Variants in SSH2 observed in about 807,000 individuals in gnomAD.
The protein encoded by SSH2 is slingshot protein phosphatase 2, also known as protein phosphatase Slingshot homolog 2.
In SSH2, 37 loss-of-function variants were observed where a neutral mutation model predicts 135.2. The observed-to-expected ratio is 0.27, with a 90% CI of 0.21 to 0.36. The LOEUF (loss-of-function observed/expected upper bound fraction) is 0.36. Among genes scored for constraint, SSH2 ranks in the 10% least tolerant of loss-of-function variants. The probability of loss-of-function intolerance (pLI) is 1.00; values close to 1 mark genes in which losing one functional copy is unlikely to be tolerated. For missense variants in SSH2, 1,408 were observed against 1,765.3 expected, an observed-to-expected ratio of 0.80 and a Z score of 3.63; for synonymous variants, 628 against 646.2, an observed-to-expected ratio of 0.97 and a Z score of 0.43.
chr17:29,630,946 C>A lies in SSH2; in HGVS notation c.4248G>T (p.Leu1416=). The A allele has an allele frequency of 6.2e-7, 1 of 1,609,992 alleles. No individual in the cohort carries two copies. Among genetic ancestry groups the A allele is most frequent in the Non-Finnish European group, 8.5e-7 (1 of 1,176,486 alleles). ...GLQCACPAPG[L]AVAPRQQHGR... ...CGTGTTGCTGACGGGGTGCCACGGCCAGCCCTGGAGCTGGGCATGCACACT... is the reference window on the plus strand; with the variant it reads ...CGTGTTGCTGACGGGGTGCCACGGCAAGCCCTGGAGCTGGGCATGCACACT... The change falls in exon 16 of 16, where the codon CTG becomes CTT. Residue 1416 remains leucine, a synonymous_variant. Transcript: ENST00000540801.
At chr17:29,859,736 T>C (rs2065727896) in intron 1 of SSH2, among the ~76,000 whole-genome samples, 3 of 152,174 alleles carry the variant, frequency 2.0e-5, no homozygotes, top group Admixed American at 2.0e-4. Context: ...CTGTTGTAAA[T>C]AGGGCTGCAA....
At chr17:29,929,729 G>A (rs1393855206) in intron 1 of SSH2, 2 of 599,216 alleles carry the variant, frequency 3.3e-6, no homozygotes, top group Non-Finnish European at 6.0e-6. Flanking sequence ...TGAGGAGCTA[G>A]GTGCTCAGGG....
chr17:29,684,469 C>T (rs2038121140), intron 6 of SSH2, 94 bp downstream of exon 6: 1 of 1,202,582 alleles, frequency 8.3e-7, no homozygotes, highest in Admixed American at 2.4e-5. Context: ...AGAGTGATGA[C>T]ACTCCGTCCC....
intron 1 of SSH2, among the ~76,000 whole-genome samples, chr17:29,924,533 T>C (rs1362258386): frequency 6.6e-6 from 1 of 152,120 alleles, no homozygotes; most frequent in Non-Finnish European, 1.5e-5. Context: ...ATTAGGAACG[T>C]ATAATAGTAG....
At chr17:29,802,869 T>A (rs1274484394) in intron 2 of SSH2, among the ~76,000 whole-genome samples, 1 of 152,168 alleles carries the variant, frequency 6.6e-6, no homozygotes, top group Non-Finnish European at 1.5e-5. Context: ...AAGATGGTTA[T>A]GAATTGTCAA....
chr17:29,924,431 C>CATCT (rs1385144042), intron 1 of SSH2, among the ~76,000 whole-genome samples: 1 of 152,120 alleles, frequency 6.6e-6, no homozygotes, highest in Non-Finnish European at 1.5e-5. Flanking sequence ...CTTAGATGGA[C>CATCT]ATCTATCTAA....
At chr17:29,669,945 G>T (rs1394918154) in intron 9 of SSH2, among the ~76,000 whole-genome samples, 1 of 144,978 alleles carries the variant, frequency 6.9e-6, no homozygotes, top group African/African-American at 2.6e-5. Flanking sequence ...GCAGTGGTGT[G>T]ATCTCGGCTC....
chr17:29,713,502 T>C (rs1400377871), intron 3 of SSH2, among the ~76,000 whole-genome samples: 1 of 152,134 alleles, frequency 6.6e-6, no homozygotes, highest in Non-Finnish European at 1.5e-5. Context: ...TTTAAATTAC[T>C]ACCAAATCAT....
In SSH2 at chr17:29,832,853, G is replaced by C. The variant is rs185223834; in HGVS notation, c.144+15996C>G. On this transcript the variant is annotated intron_variant, in intron 2 of 15. Coordinates refer to ENST00000540801, the MANE Select transcript of SSH2 (RefSeq NM_001282129.2). ...AGATAATTTTTGTGTTTTTAGTAGA[G>C]ACAGAGTTTTACCATGTTGGCCAGG... is the stretch of plus-strand genomic sequence containing the variant. Among the ~76,000 whole-genome samples, 13 of 152,172 alleles carry C rather than the reference G, an allele frequency of 8.5e-5. No individual in the cohort carries two copies. The East Asian group carries it at 2.1e-3, about 25-fold the overall frequency.
chr17:29,885,809 C>T (rs1339576239), intron 1 of SSH2, among the ~76,000 whole-genome samples: 2 of 152,118 alleles, frequency 1.3e-5, no homozygotes, highest in Non-Finnish European at 2.9e-5. Flanking sequence ...AAGTGGATTT[C>T]CCCTGCACAT....
intron 2 of SSH2, among the ~76,000 whole-genome samples, chr17:29,808,107 T>C (rs2042379005): frequency 6.6e-6 from 1 of 152,160 alleles, no homozygotes; most frequent in Admixed American, 6.5e-5. Context: ...CAGAAAATCT[T>C]TCTGTGGTAT....
chr17:29,690,231 C>T (rs969099224), intron 5 of SSH2, among the ~76,000 whole-genome samples: 2 of 151,580 alleles, frequency 1.3e-5, no homozygotes, highest in Non-Finnish European at 2.9e-5. Context: ...TGGAGAAACC[C>T]GGTCTCTCCT....
chr17:29,632,941 G>A lies in SSH2; in HGVS notation c.2263-10C>T. ...CCAGTTCTGAAATTGCCTAAGAAGA[G>A]AAAGTAGTGAGAAGATTATGGCAAA... On this transcript the variant is annotated splice_polypyrimidine_tract_variant and intron_variant, in intron 15 of 15. Transcript: ENST00000540801. 6.3e-7 allele frequency: 1 copy of A among 1,583,112 alleles called. No homozygotes were observed. Among genetic ancestry groups the A allele is most frequent in the East Asian group, 2.2e-5 (1 of 44,672 alleles).
At chr17:29,868,206 C>T (rs914883570) in intron 1 of SSH2, among the ~76,000 whole-genome samples, 1 of 152,214 alleles carries the variant, frequency 6.6e-6, no homozygotes, top group Non-Finnish European at 1.5e-5. Flanking sequence ...CTTCCCTGAT[C>T]TAAACCCTTG....
intron 2 of SSH2, among the ~76,000 whole-genome samples, chr17:29,834,127 T>C (rs1412921915): frequency 1.3e-5 from 2 of 151,912 alleles, no homozygotes; most frequent in Admixed American, 6.6e-5. Flanking sequence ...CTTGATATAA[T>C]ATTTTTTAAA....
At chr17:29,761,138 C>T (rs2151254498) in intron 3 of SSH2, 8 of 1,288,540 alleles carry the variant, frequency 6.2e-6, no homozygotes, top group Non-Finnish European at 8.1e-6. Context: ...GGAGGGCGCG[C>T]GGCGGACTCA....
intron 1 of SSH2, among the ~76,000 whole-genome samples, chr17:29,893,659 G>A (rs952355961): frequency 6.6e-6 from 1 of 152,082 alleles, no homozygotes; most frequent in Non-Finnish European, 1.5e-5. Flanking sequence ...TTTTGTTATA[G>A]TAGCAGGAAT....
intron 2 of SSH2, among the ~76,000 whole-genome samples, chr17:29,799,075 A>G (rs1040477471): frequency 2.0e-5 from 3 of 152,186 alleles, no homozygotes; most frequent in Non-Finnish European, 2.9e-5. Context: ...ATGCTTTTTA[A>G]AAACTAAATA....
chr17:29,798,014 C>T (rs972312670), intron 2 of SSH2, among the ~76,000 whole-genome samples: 1 of 151,840 alleles, frequency 6.6e-6, no homozygotes, highest in Non-Finnish European at 1.5e-5. Context: ...TATAAAATTG[C>T]CAGGTCTTCT....
Sources: gnomAD v4.1 joint callset for allele counts (sites outside exome capture counted in the v4.1 genomes callset) on GRCh38, gnomAD v4.1.1 for gene constraint, MANE v1.5 for transcripts, NCBI Gene and HGNC (gene_info 2026-07-23, HGNC 2026-07-21) for gene names.